CASP8: variants seen among roughly 807,000 people sequenced by gnomAD.
The protein encoded by CASP8 is caspase-8.
Under a neutral mutation model 46.3 loss-of-function variants are expected in CASP8, and 24 were observed. The observed-to-expected ratio is 0.52, with a 90% CI of 0.38 to 0.73. The LOEUF (loss-of-function observed/expected upper bound fraction) is 0.73. CASP8 is among the 30% of genes least tolerant of loss of function. The pLI, the probability that CASP8 is intolerant of heterozygous loss-of-function variation, is 0.00. For synonymous variants in CASP8, 188 were observed against 200.4 expected, an observed-to-expected ratio of 0.94 and a Z score of 0.52; for missense variants, 460 against 559.0, an observed-to-expected ratio of 0.82 and a Z score of 1.79.
rs1409750559 is a variant in CASP8 at position 201,265,873 on chromosome 2, CCCATAGGAAGCCCTTCT to C, written c.-26-585_-26-569del. 1.1e-4 allele frequency among the ~76,000 whole-genome samples: 16 copies of C among 152,302 alleles called. No homozygotes were observed. The East Asian group carries it at 3.1e-3, about 29-fold the overall frequency. On this transcript the variant is annotated intron_variant, in intron 1 of 8. Transcript: ENST00000673742. ...CTCGCATTCTCCCCAAAATCCCTTC[CCCATAGGAAGCCCTTCT>C]CCCAGGCTAAGTTAAGGTTTCTTCC...
chr2:201,278,791 C>A (rs1948816216), intron 7 of CASP8, among the ~76,000 whole-genome samples: 1 of 152,156 alleles, frequency 6.6e-6, no homozygotes, highest in Admixed American at 6.5e-5. Flanking sequence ...CTCGGCCTAC[C>A]AAAGTGCTGG....
At chr2:201,282,923 G>A (rs1249867598) in intron 7 of CASP8, among the ~76,000 whole-genome samples, 25 of 68,636 alleles carry the variant, frequency 3.6e-4, no homozygotes, top group East Asian at 8.7e-4. Flanking sequence ...CCTCCCGGAC[G>A]GGGCGGCTGG....
intron 1 of CASP8, among the ~76,000 whole-genome samples, chr2:201,261,655 C>T (rs1340049045): frequency 6.6e-6 from 1 of 152,150 alleles, no homozygotes; most frequent in East Asian, 1.9e-4. Flanking sequence ...CTGTCAGGTT[C>T]CGGGGCAGCC....
chr2:201,260,452 C>T (rs1198299548), upstream of CASP8: 3 of 738,674 alleles, frequency 4.1e-6, no homozygotes, highest in African/African-American at 1.9e-5. Flanking sequence ...AAGTGGTAAG[C>T]GCTCTTTCCC....
chr2:201,246,837 T>C (rs1946542897), intron 2 of CASP8, among the ~76,000 whole-genome samples: 1 of 152,174 alleles, frequency 6.6e-6, no homozygotes, highest in Non-Finnish European at 1.5e-5. Context: ...TTTTGGAATT[T>C]TGGGGGGCCA....
chr2:201,243,451 A>G (rs562703455), intron 2 of CASP8, among the ~76,000 whole-genome samples: 28 of 152,374 alleles, frequency 1.8e-4, no homozygotes, highest in Non-Finnish European at 2.8e-4. Context: ...ATCCACAAGC[A>G]TAATGTAAAT....
chr2:201,240,890 A>G (rs1483872457), intron 2 of CASP8: 1 of 152,242 alleles, frequency 6.6e-6, no homozygotes, highest in East Asian at 1.9e-4. Flanking sequence ...TAGAAAGTTC[A>G]CAAATATGTG....
At chr2:201,239,345 C>A (rs1010379444) in intron 2 of CASP8, among the ~76,000 whole-genome samples, 3 of 152,104 alleles carry the variant, frequency 2.0e-5, no homozygotes, top group Non-Finnish European at 2.9e-5. Context: ...TAGGGGCGGC[C>A]GGGCAGAGGC....
chr2:201,248,548 A>G (rs116642207), intron 2 of CASP8, among the ~76,000 whole-genome samples: 13 of 152,358 alleles, frequency 8.5e-5, no homozygotes, highest in Non-Finnish European at 1.9e-4. Flanking sequence ...CTATTGATCT[A>G]TTAAAGGGCT....
intron 1 of CASP8, chr2:201,262,355 T>C (rs181592825): frequency 6.6e-6 from 1 of 151,774 alleles, no homozygotes; most frequent in African/African-American, 2.4e-5. Flanking sequence ...TTATATATCA[T>C]TTATTTATAT....
In CASP8 at chr2:201,274,825, T is replaced by C. The variant is rs374619190; in HGVS notation, c.596-64T>C. The C allele has an allele frequency of 1.4e-4, 172 of 1,239,428 alleles. 1 individual carries two copies. The African/African-American group carries it at 2.2e-3, about 16-fold the overall frequency. The allele number at this position is 1,239,428 out of a possible 1,614,324, so 76.8% of individuals were successfully genotyped here. ...CTTATGTTGTCCTATGTGCTACATA[T>C]TTCATTACCAGTGTACCTTTCCTGC... is the stretch of plus-strand genomic sequence containing the variant. On this transcript the variant is annotated intron_variant, in intron 5 of 8. Transcript: ENST00000673742.
At position 201,286,644 on chromosome 2, in the gene CASP8, C is replaced by T; in HGVS notation, c.*50C>T. 2.0e-6 allele frequency: 3 copies of T among 1,519,458 alleles called. No homozygotes were observed. Among genetic ancestry groups the T allele is most frequent in the Non-Finnish European group, 1.8e-6 (2 of 1,105,444 alleles). 94.1% of individuals were successfully genotyped at this position (1,519,458 alleles called of 1,614,324 possible). On this transcript the variant is annotated 3_prime_UTR_variant, in exon 9 of 9. Coordinates refer to ENST00000673742, the MANE Select transcript of CASP8 (RefSeq NM_001372051.1). ...TTGTTTTGTTTTTTTGAGACAGAAT[C>T]TCGCTCTGTCGCCCAGGCTGGAGTG...
chr2:201,236,130 A>T (rs1191652831), intron 2 of CASP8, among the ~76,000 whole-genome samples: 1 of 152,180 alleles, frequency 6.6e-6, no homozygotes, highest in East Asian at 1.9e-4. Context: ...AGGATAGTGA[A>T]CATATATATT....
intron 2 of CASP8, among the ~76,000 whole-genome samples, chr2:201,254,904 G>A (rs916561800): frequency 3.3e-5 from 5 of 152,140 alleles, no homozygotes; most frequent in Admixed American, 1.3e-4. Context: ...CAACACCTCC[G>A]GATCTTTCAG....
chr2:201,245,524 A>T (rs1267925668), intron 2 of CASP8, among the ~76,000 whole-genome samples: 1 of 152,196 alleles, frequency 6.6e-6, no homozygotes, highest in African/African-American at 2.4e-5. Context: ...TACAGGCGTG[A>T]GCCACTGTCC....
chr2:201,263,269 G>C (rs1947553450), intron 1 of CASP8, among the ~76,000 whole-genome samples: 1 of 152,112 alleles, frequency 6.6e-6, no homozygotes, highest in Non-Finnish European at 1.5e-5. Flanking sequence ...AATAATTAGA[G>C]GTATTCTTAA....
intron 2 of CASP8, among the ~76,000 whole-genome samples, chr2:201,267,855 C>A (rs1232343431): frequency 6.6e-6 from 1 of 152,200 alleles, no homozygotes; most frequent in African/African-American, 2.4e-5. Context: ...TCTGATGGCT[C>A]AGCCCATGAA....
chr2:201,282,439 A>G lies in CASP8; in HGVS notation c.803-2377A>G, dbSNP rs1321520035. On this transcript the variant is annotated intron_variant, in intron 7 of 8. Transcript: ENST00000673742. ...CCATTGTCATCATGGCCCATCCCCA[A>G]TGAGCCGCTGGGCACACCTCCCAGA... Among the ~76,000 whole-genome samples the G allele has an allele frequency of 1.5e-4, 13 of 84,454 alleles. No homozygotes were observed. The South Asian group carries it at 2.0e-3, about 13-fold the overall frequency. 55.4% of individuals were successfully genotyped at this position (84,454 alleles called of 152,430 possible).
intron 7 of CASP8, among the ~76,000 whole-genome samples, chr2:201,282,675 G>A (rs1446821957): frequency 5.2e-5 from 4 of 77,378 alleles, no homozygotes; most frequent in African/African-American, 1.3e-4. Flanking sequence ...TGGATAGGGC[G>A]GCTGGCCGGG....
Sources: gnomAD v4.1 joint callset for allele counts (sites outside exome capture counted in the v4.1 genomes callset) on GRCh38, gnomAD v4.1.1 for gene constraint, MANE v1.5 for transcripts, NCBI Gene and HGNC (gene_info 2026-07-23, HGNC 2026-07-21) for gene names.